The following SRGAP2B variants were observed in gnomAD, a reference collection of about 807,000 sequenced individuals.
SRGAP2B encodes SLIT-ROBO Rho GTPase activating protein 2B.
SRGAP2B carries 9 observed loss-of-function variants against 22.2 expected under a neutral mutation model. The ratio of observed to expected loss-of-function variants is 0.41; its 90% confidence interval spans 0.24 to 0.71. The LOEUF (loss-of-function observed/expected upper bound fraction) is 0.71. Among genes scored for constraint, SRGAP2B ranks in the 30% least tolerant of loss-of-function variants. The probability of loss-of-function intolerance (pLI) is 0.35; values close to 1 mark genes in which losing one functional copy is unlikely to be tolerated. For synonymous variants in SRGAP2B, 36 were observed against 87.4 expected, an observed-to-expected ratio of 0.41 and a Z score of 3.28; for missense variants, 114 against 235.8, an observed-to-expected ratio of 0.48 and a Z score of 3.38.
intron 4 of SRGAP2B, among the ~76,000 whole-genome samples, chr1:144,926,821 C>A (rs1338651049): frequency 2.0e-5 from 3 of 147,204 alleles, no homozygotes; most frequent in Non-Finnish European, 4.5e-5. Flanking sequence ...ATTGTGCCAC[C>A]GCAGTCCAGG....
chr1:144,953,892 T>G (rs1667071749), intron 4 of SRGAP2B, among the ~76,000 whole-genome samples: 1 of 149,600 alleles, frequency 6.7e-6, no homozygotes, highest in South Asian at 2.1e-4. Context: ...TCAAGCCCTT[T>G]CCTTCTTGAG....
At chr1:144,994,567 TGAGAGAGAGAGAGAGAGAGAGA>T in intron 3 of SRGAP2B, among the ~76,000 whole-genome samples, 1 of 122,430 alleles carries the variant, frequency 8.2e-6, no homozygotes, top group Non-Finnish European at 1.6e-5. Context: ...TGTGTGTGTG[TGAGAGAGAGAGAGAGAGAGAGA>T]GAGAGAGAGA....
intron 4 of SRGAP2B, among the ~76,000 whole-genome samples, chr1:144,943,911 C>T (rs1257630918): frequency 6.6e-6 from 1 of 150,622 alleles, no homozygotes; most frequent in Admixed American, 6.6e-5. Context: ...TTAGGTGCTG[C>T]CCACTGTAAG....
At chr1:145,037,142 AC>A (rs1222701236) in intron 2 of SRGAP2B, among the ~76,000 whole-genome samples, 1 of 59,078 alleles carries the variant, frequency 1.7e-5, no homozygotes, top group African/African-American at 6.3e-5. Context: ...CGAGGGACAT[AC>A]AAAGCAAGCA....
chr1:144,972,086 C>T (rs1366203349), intron 3 of SRGAP2B, among the ~76,000 whole-genome samples: 7 of 148,914 alleles, frequency 4.7e-5, no homozygotes, highest in Non-Finnish European at 7.4e-5. Flanking sequence ...TGCCTAACGG[C>T]GCCTGAAAGC....
intron 3 of SRGAP2B, among the ~76,000 whole-genome samples, chr1:144,984,578 CAGGGGTG>C (rs1379048195): frequency 1.3e-5 from 2 of 149,934 alleles, no homozygotes; most frequent in East Asian, 3.9e-4. Context: ...TCTAGGAGTA[CAGGGGTG>C]GGTATCTGGC....
At position 144,944,497 on chromosome 1, in the gene SRGAP2B, G is replaced by A. The variant is rs1666322978; in HGVS notation, c.423+10942C>T. The stretch of plus-strand genomic sequence containing the variant: ...AGACACATGAGAAGCTGAGGTGGGA[G>A]GATCACTTGAGCCCAGGAGTCTGAG... On this transcript the variant is annotated intron_variant, in intron 4 of 9. Transcript: ENST00000612199. 4.9e-5 allele frequency among the ~76,000 whole-genome samples: 7 copies of A among 142,222 alleles called. No homozygotes were observed. The Admixed American group carries it at 5.0e-4, about 10-fold the overall frequency. 93.3% of individuals were successfully genotyped at this position (142,222 alleles called of 152,430 possible). A position where few individuals can be genotyped will look rare whatever the true frequency, so the allele number is the denominator to read the frequency against.
intron 3 of SRGAP2B, among the ~76,000 whole-genome samples, chr1:144,975,065 T>C (rs1261417548): frequency 1.3e-5 from 2 of 148,176 alleles, no homozygotes; most frequent in Non-Finnish European, 2.9e-5. Context: ...TCTCAGTGCA[T>C]GTCTGGCCTA....
At chr1:144,918,701 C>A (rs1242999306) in intron 4 of SRGAP2B, 1 of 91,744 alleles carries the variant, frequency 1.1e-5, no homozygotes, top group African/African-American at 5.0e-5. Context: ...GGGCTGGTCA[C>A]TCTTCCTTAG....
intron 3 of SRGAP2B, among the ~76,000 whole-genome samples, chr1:144,970,012 G>C (rs1668381646): frequency 6.7e-6 from 1 of 150,358 alleles, no homozygotes; most frequent in Non-Finnish European, 1.5e-5. Context: ...TGCTGGAGAG[G>C]ATGTGGAGAA....
chr1:145,041,128 A>G (rs1482153076), intron 2 of SRGAP2B, among the ~76,000 whole-genome samples: 1 of 112,024 alleles, frequency 8.9e-6, no homozygotes, highest in East Asian at 2.7e-4. Context: ...CTACCACCAC[A>G]CTACTCTACC....
rs1192633563 is a variant in SRGAP2B at position 144,917,679 on chromosome 1, A to C, written c.424-2925T>G. Among the ~76,000 whole-genome samples the C allele has an allele frequency of 2.5e-4, 36 of 143,352 alleles. 1 individual carries two copies. Among genetic ancestry groups the C allele is most frequent in the Admixed American group, 1.4e-4 (2 of 14,772 alleles). The allele number at this position is 143,352 out of a possible 152,430, so 94.0% of individuals were successfully genotyped here. A position where few individuals can be genotyped will look rare whatever the true frequency, so the allele number is the denominator to read the frequency against. ...CCTGTTTATTTGAACAGGCTGCTGA[A>C]GTGATCTGACTTACTGCTCCCTCTG... On this transcript the variant is annotated intron_variant, in intron 4 of 9. Transcript: ENST00000612199.
At chr1:145,068,202 CAAAAAAA>C (rs75504567) in intron 2 of SRGAP2B, among the ~76,000 whole-genome samples, 1 of 15,594 alleles carries the variant, frequency 6.4e-5, no homozygotes, top group Non-Finnish European at 1.5e-4. Flanking sequence ...GACTCCGTCT[CAAAAAAA>C]AAAAAAAAAA....
In SRGAP2B at chr1:144,940,759, C is replaced by T. The variant is rs1366988877; in HGVS notation, c.423+14680G>A. Among the ~76,000 whole-genome samples, 7 of 144,542 alleles carry T rather than the reference C, an allele frequency of 4.8e-5. No homozygotes were observed. In the South Asian group the frequency reaches 6.5e-4, roughly 14 times the overall value. 94.8% of individuals were successfully genotyped at this position (144,542 alleles called of 152,430 possible). Reference sequence around the variant, plus strand: ...CGGAGGTTGCAGTGAGCCAAGATCACGCCACTGTACTCCAGCCTGAAAAAA... The same window carrying T: ...CGGAGGTTGCAGTGAGCCAAGATCATGCCACTGTACTCCAGCCTGAAAAAA... On this transcript the variant is annotated intron_variant, in intron 4 of 9. Coordinates refer to ENST00000612199, the Ensembl canonical transcript of SRGAP2B.
rs587754109 is a variant in SRGAP2B at position 144,939,380 on chromosome 1, C to T, written c.423+16059G>A. On this transcript the variant is annotated intron_variant, in intron 4 of 9. Coordinates refer to ENST00000612199, the Ensembl canonical transcript of SRGAP2B. ...TAACATCGGCCCAATTCTTTCCCCT[C>T]TATGAAGCTCTCCTGACTTACTTTT... Among the ~76,000 whole-genome samples the T allele has an allele frequency of 9.3e-5, 14 of 150,698 alleles. 2 individuals carry two copies. The South Asian group carries it at 2.5e-3, about 27-fold the overall frequency.
At position 145,009,020 on chromosome 1, in the gene SRGAP2B, C is replaced by T. The variant is rs1436850743; in HGVS notation, c.68-13820G>A. On this transcript the variant is annotated intron_variant, in intron 2 of 9. Coordinates refer to ENST00000612199, the Ensembl canonical transcript of SRGAP2B. ...CCCCGTCTCTACTAAAAAAAAAATA[C>T]AAAAAAAGTAGCTGGGCGTGGTGGC... Among the ~76,000 whole-genome samples, 5 of 143,016 alleles carry T rather than the reference C, an allele frequency of 3.5e-5. 1 individual carries two copies. The East Asian group carries it at 1.0e-3, about 30-fold the overall frequency. 93.8% of individuals were successfully genotyped at this position (143,016 alleles called of 152,430 possible).
At chr1:144,910,033 C>T (rs1346021295) in intron 5 of SRGAP2B, among the ~76,000 whole-genome samples, 2 of 146,314 alleles carry the variant, frequency 1.4e-5, no homozygotes, top group South Asian at 4.4e-4. Context: ...ATATGAAAGA[C>T]CAAGACCAAA....
intron 2 of SRGAP2B, among the ~76,000 whole-genome samples, chr1:145,044,697 A>C (rs1210793955): frequency 1.1e-4 from 15 of 131,388 alleles, no homozygotes; most frequent in African/African-American, 4.4e-4. Flanking sequence ...AAAAAAAAAA[A>C]AAACAGAAAA....
At chr1:145,024,924 TC>T (rs587758513) in intron 2 of SRGAP2B, among the ~76,000 whole-genome samples, 92 of 149,168 alleles carry the variant, frequency 6.2e-4, no homozygotes, top group African/African-American at 2.1e-3. Context: ...ACGTCTACAC[TC>T]CCAAGCCCAA....
Sources: allele counts gnomAD v4.1 joint callset (sites outside exome capture counted in the v4.1 genomes callset), GRCh38; gene constraint gnomAD v4.1.1; transcripts MANE v1.5; gene names NCBI Gene and HGNC (gene_info 2026-07-23, HGNC 2026-07-21).